Variants in TSNARE1 observed in about 807,000 individuals in gnomAD.
TSNARE1 encodes the protein t-SNARE domain containing 1.
In TSNARE1, 49 loss-of-function variants were observed where a neutral mutation model predicts 62.0. The ratio of observed to expected loss-of-function variants is 0.79; its 90% CI spans 0.63 to 1.00. The LOEUF (loss-of-function observed/expected upper bound fraction) is 1.00, where lower values mean the gene tolerates loss of function less well. Among genes scored for constraint, TSNARE1 ranks in the 50% least tolerant of loss-of-function variants. The pLI, the probability that TSNARE1 is intolerant of heterozygous loss-of-function variation, is 0.00. For missense variants in TSNARE1, 755 were observed against 700.1 expected, an observed-to-expected ratio of 1.08 and a Z score of -0.88; for synonymous variants, 328 against 294.4, an observed-to-expected ratio of 1.11 and a Z score of -1.17.
At chr8:142,311,168 T>C (rs1827517749) in intron 9 of TSNARE1, among the ~76,000 whole-genome samples, 1 of 151,574 alleles carries the variant, frequency 6.6e-6, no homozygotes. Context: ...TTGTTTTTTT[T>C]TTTTTAATTA....
intron 13 of TSNARE1, among the ~76,000 whole-genome samples, chr8:142,215,083 G>C (rs1407342158): frequency 6.6e-6 from 1 of 152,196 alleles, no homozygotes; most frequent in Non-Finnish European, 1.5e-5. Flanking sequence ...GACCTGTCCT[G>C]TCCATGGAGG....
chr8:142,281,426 G>C (rs917206051), intron 11 of TSNARE1, among the ~76,000 whole-genome samples: 1 of 151,996 alleles, frequency 6.6e-6, no homozygotes, highest in Non-Finnish European at 1.5e-5. Flanking sequence ...CCTGTGGGAG[G>C]GGGGCAAGGT....
intron 10 of TSNARE1, among the ~76,000 whole-genome samples, chr8:142,295,158 G>C (rs1382722376): frequency 2.0e-5 from 3 of 152,170 alleles, no homozygotes; most frequent in Non-Finnish European, 1.5e-5. Flanking sequence ...TCCCACCCGA[G>C]CAACCCATAA....
At chr8:142,270,127 TC>T in intron 12 of TSNARE1, 1 of 985,404 alleles carries the variant, frequency 1.0e-6, no homozygotes, top group Non-Finnish European at 1.2e-6. Context: ...TGGTCCCACC[TC>T]CCGCTCCTGC....
At chr8:142,387,754 C>T (rs1045328184) in intron 1 of TSNARE1, among the ~76,000 whole-genome samples, 3 of 152,098 alleles carry the variant, frequency 2.0e-5, no homozygotes, top group African/African-American at 7.2e-5. Flanking sequence ...CATAAAAGAA[C>T]TTTCATCCTC....
intron 12 of TSNARE1, among the ~76,000 whole-genome samples, chr8:142,251,714 G>A (rs931094503): frequency 4.6e-5 from 7 of 151,444 alleles, no homozygotes; most frequent in Admixed American, 6.6e-5. Context: ...TGCAGGGCCC[G>A]GGCACCATGT....
chr8:142,308,683 A>G (rs1827096034), intron 9 of TSNARE1, among the ~76,000 whole-genome samples: 3 of 152,158 alleles, frequency 2.0e-5, no homozygotes, highest in Admixed American at 2.0e-4. Flanking sequence ...AGTGTGTTCC[A>G]ATACCTGATA....
Position 142,291,472 on chromosome 8 carries a change from C to G in TSNARE1, c.1291-6987G>C, listed in dbSNP as rs542910947. ...AGGGCCTTGTCGTTAAACACAGAGCCTCCATGGAGTCCCAGGATAGAAACA... is the reference window on the plus strand; with the variant it reads ...AGGGCCTTGTCGTTAAACACAGAGCGTCCATGGAGTCCCAGGATAGAAACA... On this transcript the variant is annotated intron_variant, in intron 10 of 13. Coordinates refer to ENST00000524325, the MANE Select transcript of TSNARE1 (RefSeq NM_145003.5). This position sits in a 1 kb window ranked among gnomAD's most constrained non-coding sequence, Gnocchi z 4.8. Among the ~76,000 whole-genome samples the G allele has an allele frequency of 6.6e-6, 1 of 152,130 alleles. No homozygotes were observed. Among genetic ancestry groups the G allele is most frequent in the Non-Finnish European group, 1.5e-5 (1 of 68,042 alleles).
chr8:142,352,033 G>A (rs1024442299), intron 2 of TSNARE1, among the ~76,000 whole-genome samples: 23 of 152,378 alleles, frequency 1.5e-4, no homozygotes, highest in African/African-American at 4.3e-4. Context: ...AGAAAAGTGC[G>A]AGTCCCGAAG....
chr8:142,394,233 C>T (rs1360872100), intron 1 of TSNARE1, among the ~76,000 whole-genome samples: 1 of 152,294 alleles, frequency 6.6e-6, no homozygotes, highest in East Asian at 1.9e-4. Context: ...GGGGCAGATA[C>T]GCAGAAAGAC....
rs1024132031 is a variant in TSNARE1 at position 142,346,942 on chromosome 8, G to A, written c.89-1050C>T. On this transcript the variant is annotated intron_variant, in intron 2 of 13. Coordinates refer to ENST00000524325, the MANE Select transcript of TSNARE1 (RefSeq NM_145003.5). ...CCAAAGCCTCTCATCGGACCCCCAC[G>A]AGGTGGGCGAGGGCCCAAAGGCTAC... Among the ~76,000 whole-genome samples the A allele has an allele frequency of 1.1e-4, 17 of 152,348 alleles. No individual in the cohort carries two copies. In the East Asian group the frequency reaches 2.1e-3, roughly 19 times the overall value.
chr8:142,382,995 A>AG (rs1400937469), intron 1 of TSNARE1, among the ~76,000 whole-genome samples: 4 of 152,062 alleles, frequency 2.6e-5, no homozygotes, highest in South Asian at 2.1e-4. Flanking sequence ...AAAGGAGGGC[A>AG]GGGGGGCAGG....
intron 1 of TSNARE1, among the ~76,000 whole-genome samples, chr8:142,370,636 T>C (rs1392913264): frequency 6.6e-6 from 1 of 151,164 alleles, no homozygotes; most frequent in Non-Finnish European, 1.5e-5. Flanking sequence ...AAATAAATAC[T>C]AAATAAAAAA....
intron 10 of TSNARE1, among the ~76,000 whole-genome samples, chr8:142,293,993 G>A (rs1824251940): frequency 6.6e-6 from 1 of 152,204 alleles, no homozygotes; most frequent in East Asian, 1.9e-4. Flanking sequence ...CACCTGGAGG[G>A]GCAGGGACAG....
At chr8:142,279,117 CCT>C (rs150629692) in intron 11 of TSNARE1, among the ~76,000 whole-genome samples, 1,999 of 152,348 alleles carry the variant, frequency 0.013, 51 homozygotes, top group African/African-American at 0.046. Context: ...CCCAGACACC[CCT>C]GTCTTCAGAC....
At chr8:142,380,441 G>C (rs532362808) in intron 1 of TSNARE1, among the ~76,000 whole-genome samples, 1 of 152,288 alleles carries the variant, frequency 6.6e-6, no homozygotes, top group African/African-American at 2.4e-5. Context: ...CCTCCTGCGG[G>C]CTGAACTGCA....
At chr8:142,267,091 A>G (rs553983507) in intron 12 of TSNARE1, among the ~76,000 whole-genome samples, 1 of 152,296 alleles carries the variant, frequency 6.6e-6, no homozygotes, top group East Asian at 1.9e-4. Context: ...CAGAAATCAT[A>G]TTATATGTCT....
chr8:142,318,749 A>G (rs1001818930), intron 6 of TSNARE1, 115 bp from the exon 7 acceptor site: 3 of 886,360 alleles, frequency 3.4e-6, no homozygotes, highest in African/African-American at 3.3e-5. Context: ...AGACAGAGAC[A>G]GATGGATGGA....
intron 2 of TSNARE1, among the ~76,000 whole-genome samples, chr8:142,354,429 GC>G (rs1440799798): frequency 6.6e-6 from 1 of 152,038 alleles, no homozygotes; most frequent in Non-Finnish European, 1.5e-5. Flanking sequence ...ACCCAGGTCT[GC>G]CCACACCCAG....
Sources: gnomAD v4.1 joint callset for allele counts (sites outside exome capture counted in the v4.1 genomes callset) on GRCh38, gnomAD v4.1.1 for gene constraint, Gnocchi (gnomAD v3.1) non-coding constraint, MANE v1.5 for transcripts, NCBI Gene and HGNC (gene_info 2026-07-23, HGNC 2026-07-21) for gene names.